Variants in STAM observed in about 807,000 individuals in gnomAD.
STAM encodes signal transducing adaptor molecule.
STAM carries 16 observed loss-of-function variants against 63.4 expected under a neutral mutation model. The ratio of observed to expected loss-of-function variants is 0.25; its 90% CI spans 0.17 to 0.38. The LOEUF (loss-of-function observed/expected upper bound fraction) is 0.38, where lower values mean the gene tolerates loss of function less well. STAM is among the 10% of genes least tolerant of loss of function. STAM has a pLI of 1.00. For synonymous variants in STAM, 238 were observed against 223.9 expected (o/e 1.06, Z -0.56); for missense variants, 636 against 657.1 (o/e 0.97, Z 0.35).
chr10:17,703,759 C>T (rs903982295), intron 9 of STAM, among the ~76,000 whole-genome samples: 11 of 152,130 alleles, frequency 7.2e-5, no homozygotes, highest in African/African-American at 2.4e-4. Flanking sequence ...CTTCCTCCTT[C>T]CTTTTATGAC....
intron 4 of STAM, among the ~76,000 whole-genome samples, chr10:17,687,776 C>T (rs772881047): frequency 2.6e-5 from 4 of 152,188 alleles, no homozygotes; most frequent in Non-Finnish European, 4.4e-5. Context: ...GCAAAATATT[C>T]TGAAAAGTCC....
intron 5 of STAM, among the ~76,000 whole-genome samples, chr10:17,692,460 A>G (rs1255235294): frequency 1.3e-5 from 2 of 152,220 alleles, no homozygotes; most frequent in African/African-American, 2.4e-5. Context: ...GTACCGGTAT[A>G]GAGACTGCTC....
chr10:17,664,890 G>A (rs540433294), intron 2 of STAM, among the ~76,000 whole-genome samples: 4 of 152,070 alleles, frequency 2.6e-5, no homozygotes, highest in African/African-American at 9.7e-5. Context: ...TTTAGGAGGA[G>A]CATTTCACTT....
At position 17,684,732 on chromosome 10, in the gene STAM, T is replaced by A; in HGVS notation, c.183T>A (p.Val61=). The A allele has an allele frequency of 6.2e-7, 1 of 1,614,108 alleles. No homozygotes were observed. The highest frequency in any genetic ancestry group is 8.5e-7 in the Non-Finnish European group (1 of 1,180,006). Residue 61 remains valine (V), a synonymous_variant, in exon 3 of 14, where the codon GTT becomes GTA. Coordinates refer to ENST00000377524, the MANE Select transcript of STAM (RefSeq NM_003473.4). The part of the protein sequence containing the change: ...MRRVNHKDPH[V]AMQALTLLGA... ...GAGTGAACCACAAAGATCCTCACGT[T>A]GCTATGCAGGCTTTGACTGTGAGTG...
chr10:17,706,409 C>T (rs1836278500), intron 12 of STAM, among the ~76,000 whole-genome samples: 1 of 115,812 alleles, frequency 8.6e-6, no homozygotes, highest in South Asian at 3.2e-4. Flanking sequence ...GGCGGAGTCT[C>T]ACTCCGTGGC....
intron 7 of STAM, among the ~76,000 whole-genome samples, chr10:17,696,364 A>AG (rs1170120005): frequency 1.3e-5 from 2 of 151,890 alleles, no homozygotes; most frequent in Non-Finnish European, 2.9e-5. Context: ...TTCTGTTGGG[A>AG]GAAAAAAAAA....
intron 1 of STAM, 40 bp downstream of exon 1, chr10:17,644,419 C>T: frequency 6.2e-7 from 1 of 1,612,940 alleles, no homozygotes; most frequent in Non-Finnish European, 8.5e-7. Context: ...CCTCACCGGA[C>T]TGCACGCTCA....
chr10:17,683,022 G>C (rs527783714), intron 2 of STAM, among the ~76,000 whole-genome samples: 1 of 152,172 alleles, frequency 6.6e-6, no homozygotes, highest in African/African-American at 2.4e-5. Flanking sequence ...TATGAAAACT[G>C]CTAACGGTAG....
intron 13 of STAM, among the ~76,000 whole-genome samples, chr10:17,711,924 G>A (rs1276801411): frequency 6.6e-6 from 1 of 152,232 alleles, no homozygotes; most frequent in African/African-American, 2.4e-5. Flanking sequence ...GAAATTATGA[G>A]TATTTGTTGG....
chr10:17,708,890 G>C lies in STAM; in HGVS notation c.1324G>C (p.Val442Leu). 1 of 1,614,184 alleles carries C rather than the reference G, an allele frequency of 6.2e-7. No homozygotes were observed. The highest frequency in any genetic ancestry group is 1.7e-5 in the Admixed American group (1 of 60,008). ...PEQLSSLSQA[V>L]VPPSANPALP... The stretch of plus-strand genomic sequence containing the variant: ...GCAGCTGTCTTCTCTCAGCCAGGCA[G>C]TGGTCCCACCATCCGCAAACCCAGC... Residue 442 changes from valine to leucine, a missense_variant, in exon 13 of 14, where the codon GTG becomes CTG. By Grantham distance (32) the Val-to-Leu change is conservative. This residue lies in a region of STAM where 532 missense variants were observed against 536.9 expected (regional missense o/e 0.99). Coordinates refer to ENST00000377524, the MANE Select transcript of STAM (RefSeq NM_003473.4).
At chr10:17,657,008 C>G (rs912328754) in intron 1 of STAM, among the ~76,000 whole-genome samples, 1 of 152,148 alleles carries the variant, frequency 6.6e-6, no homozygotes, top group Non-Finnish European at 1.5e-5. Context: ...GGGAGGTGAG[C>G]ATGCACAGTG....
chr10:17,687,636 T>C (rs187641151), intron 4 of STAM, among the ~76,000 whole-genome samples: 197 of 152,338 alleles, frequency 1.3e-3, no homozygotes, highest in African/African-American at 4.3e-3. Context: ...TGCATAGTCA[T>C]GAACATTAAG....
At chr10:17,702,560 A>G (rs1193334227) in intron 9 of STAM, among the ~76,000 whole-genome samples, 2 of 152,242 alleles carry the variant, frequency 1.3e-5, no homozygotes, top group Non-Finnish European at 2.9e-5. Flanking sequence ...ATGAGATGTT[A>G]TCTTTGAAAT....
intron 12 of STAM, among the ~76,000 whole-genome samples, chr10:17,707,563 TG>T (rs1338880822): frequency 6.6e-6 from 1 of 152,110 alleles, no homozygotes; most frequent in East Asian, 1.9e-4. Context: ...CCAAGAAACT[TG>T]GGGCTAGAGG....
At chr10:17,680,416 C>CT (rs369061075) in intron 2 of STAM, among the ~76,000 whole-genome samples, 4,841 of 142,182 alleles carry the variant, frequency 0.034, 101 homozygotes, top group African/African-American at 0.064. Context: ...TTTGACTACT[C>CT]TTTTTTTTTT....
At chr10:17,660,006 T>G (rs1834097897) in intron 1 of STAM, among the ~76,000 whole-genome samples, 1 of 151,994 alleles carries the variant, frequency 6.6e-6, no homozygotes. Flanking sequence ...ATACATTCAG[T>G]CAAAACTTGG....
chr10:17,704,891 A>T, intron 10 of STAM, 79 bp from the exon 11 acceptor site: 1 of 1,211,174 alleles, frequency 8.3e-7, no homozygotes, highest in Non-Finnish European at 1.2e-6. Context: ...TTATTCCTTA[A>T]ATTATACAAA....
intron 5 of STAM, among the ~76,000 whole-genome samples, chr10:17,692,836 T>C: frequency 6.6e-6 from 1 of 152,302 alleles, no homozygotes; most frequent in East Asian, 1.9e-4. Context: ...TACTACAGTT[T>C]TTTTTTTAAC....
intron 5 of STAM, among the ~76,000 whole-genome samples, chr10:17,688,826 G>A (rs1294192566): frequency 2.0e-5 from 3 of 152,036 alleles, no homozygotes; most frequent in Non-Finnish European, 4.4e-5. Flanking sequence ...CTTTTTAAAT[G>A]CTCTTAATGC....
Sources: allele counts gnomAD v4.1 joint callset (sites outside exome capture counted in the v4.1 genomes callset), GRCh38; gene constraint gnomAD v4.1.1; regional missense constraint gnomAD v4.1.1; transcripts MANE v1.5; gene names NCBI Gene and HGNC (gene_info 2026-07-23, HGNC 2026-07-21).